The following RNF144B variants were observed in gnomAD, a reference collection of about 807,000 sequenced individuals.
RNF144B encodes the protein E3 ubiquitin-protein ligase RNF144B.
In RNF144B, 25 loss-of-function variants were observed where a neutral mutation model predicts 40.2. The ratio of observed to expected loss-of-function variants is 0.62; its 90% CI spans 0.45 to 0.87. The LOEUF (loss-of-function observed/expected upper bound fraction) is 0.87. Ranked by LOEUF, RNF144B falls within the 40% of genes least tolerant of loss-of-function variation. RNF144B has a pLI of 0.00. For synonymous variants in RNF144B, 145 were observed against 136.3 expected, an observed-to-expected ratio of 1.06 and a Z score of -0.44; for missense variants, 365 against 373.7, an observed-to-expected ratio of 0.98 and a Z score of 0.19.
chr6:18,394,601 C>A (rs967480934), intron 1 of RNF144B, among the ~76,000 whole-genome samples: 8 of 141,096 alleles, frequency 5.7e-5, no homozygotes, highest in African/African-American at 7.9e-5. Context: ...CCGTCCCCTA[C>A]CCCCCAACCA....
intron 2 of RNF144B, among the ~76,000 whole-genome samples, chr6:18,426,896 C>T (rs12191033): frequency 0.079 from 11,993 of 151,446 alleles, 596 homozygotes; most frequent in Non-Finnish European, 0.12. Flanking sequence ...TTTCTTCTTT[C>T]CCCAGGGGAC....
At position 18,419,500 on chromosome 6, in the gene RNF144B, G is replaced by A. The variant is rs565872252; in HGVS notation, c.166-8081G>A. On this transcript the variant is annotated intron_variant, in intron 2 of 7. Transcript: ENST00000259939. This position sits in a 1 kb window ranked among gnomAD's most constrained non-coding sequence, Gnocchi z 4.6. ...TCCAGCATTTAAAAGTTGAGTTGAG[G>A]AAAATGCAGAAGATTGAGAAAGAGT... is the stretch of plus-strand genomic sequence containing the variant. Among the ~76,000 whole-genome samples the A allele has an allele frequency of 3.9e-5, 6 of 152,224 alleles. No individual in the cohort carries two copies. The highest frequency in any genetic ancestry group is 1.2e-4 in the African/African-American group (5 of 41,546).
chr6:18,402,806 C>T (rs1794819481), intron 2 of RNF144B, among the ~76,000 whole-genome samples: 1 of 152,160 alleles, frequency 6.6e-6, no homozygotes, highest in Non-Finnish European at 1.5e-5. Context: ...TATCTAGGTT[C>T]TTGTTAAAGG....
chr6:18,456,390 A>G lies in RNF144B; in HGVS notation c.332-765A>G, dbSNP rs16880749. ...TTCTTTAATTTCCTGGGAATGTGGA[A>G]GAAACCTCACTATCTGTTTCTCAGT... On this transcript the variant is annotated intron_variant, in intron 4 of 7. Coordinates refer to ENST00000259939, the MANE Select transcript of RNF144B (RefSeq NM_182757.4). This position sits in a 1 kb window ranked among gnomAD's most constrained non-coding sequence, Gnocchi z 4.7. Among the ~76,000 whole-genome samples, 4,662 of 152,328 alleles carry G rather than the reference A, an allele frequency of 0.031. 157 individuals carry two copies. The highest frequency in any genetic ancestry group is 0.16 in the South Asian group (792 of 4,830).
intron 2 of RNF144B, among the ~76,000 whole-genome samples, chr6:18,421,574 G>A (rs1758427647): frequency 6.6e-6 from 1 of 152,000 alleles, no homozygotes; most frequent in Admixed American, 6.6e-5. Flanking sequence ...ACCCCTACGT[G>A]GCAAAGCAGG....
At chr6:18,396,221 T>C in intron 1 of RNF144B, 1 of 298,248 alleles carries the variant, frequency 3.4e-6, no homozygotes. Context: ...AATTTTTAGT[T>C]CTACCTTCAA....
intron 3 of RNF144B, among the ~76,000 whole-genome samples, chr6:18,428,794 C>T (rs1758625765): frequency 6.6e-6 from 1 of 152,074 alleles, no homozygotes; most frequent in Admixed American, 6.6e-5. Context: ...GAAACTGAGG[C>T]CCAGAAGGTT....
Position 18,457,423 on chromosome 6 carries a change from A to T in RNF144B, c.536+64A>T. On this transcript the variant is annotated intron_variant, in intron 5 of 7. Transcript: ENST00000259939. This position sits in a 1 kb window ranked among gnomAD's most constrained non-coding sequence, Gnocchi z 5.1. ...TTTTCTTAGAAATTCAACATACCTT[A>T]CGTGTAGAAGGAGTTACGTTGTGAT... 1 of 1,240,644 alleles carries T rather than the reference A, an allele frequency of 8.1e-7. No homozygotes were observed. The highest frequency in any genetic ancestry group is 1.2e-6 in the Non-Finnish European group (1 of 839,976). The allele number at this position is 1,240,644 out of a possible 1,614,324, so 76.9% of individuals were successfully genotyped here.
intron 2 of RNF144B, among the ~76,000 whole-genome samples, chr6:18,420,746 C>T (rs182037900): frequency 3.9e-5 from 6 of 152,166 alleles, no homozygotes; most frequent in Non-Finnish European, 7.4e-5. Context: ...AGAATCAGTC[C>T]ATTCTCCCTC....
intron 2 of RNF144B, among the ~76,000 whole-genome samples, chr6:18,408,085 A>G (rs1228024005): frequency 6.6e-6 from 1 of 150,490 alleles, no homozygotes; most frequent in Admixed American, 6.7e-5. Context: ...CCTGGGTTCA[A>G]GTGATTCTCC....
intron 4 of RNF144B, among the ~76,000 whole-genome samples, chr6:18,445,623 C>T (rs1759064648): frequency 6.6e-6 from 1 of 152,126 alleles, no homozygotes; most frequent in South Asian, 2.1e-4. Flanking sequence ...GAGTTAACCA[C>T]TTCTAAATCA....
chr6:18,427,947 C>A (rs1379047137), intron 3 of RNF144B, among the ~76,000 whole-genome samples: 2 of 152,040 alleles, frequency 1.3e-5, no homozygotes, highest in Admixed American at 1.3e-4. Flanking sequence ...TCAAATTTAC[C>A]AAATGTGAAG....
At chr6:18,392,705 C>T (rs569901949) in intron 1 of RNF144B, among the ~76,000 whole-genome samples, 1 of 152,280 alleles carries the variant, frequency 6.6e-6, no homozygotes, top group South Asian at 2.1e-4. Context: ...CACAGTGATA[C>T]AATACTGCCA....
rs544044827 is a variant in RNF144B at position 18,456,896 on chromosome 6, T to A, written c.332-259T>A. Among the ~76,000 whole-genome samples, 19 of 152,200 alleles carry A rather than the reference T, an allele frequency of 1.2e-4. No homozygotes were observed. The highest frequency in any genetic ancestry group is 4.6e-4 in the African/African-American group (19 of 41,534). ...TGGCCAACAAGGTGAAACCTGTCTC[T>A]ACTAAAAATACAAAAATGAGCCAGG... On this transcript the variant is annotated intron_variant, in intron 4 of 7. Transcript: ENST00000259939. This position sits in a 1 kb window ranked among gnomAD's most constrained non-coding sequence, Gnocchi z 4.7.
chr6:18,417,974 A>G (rs1056155577), intron 2 of RNF144B, among the ~76,000 whole-genome samples: 4 of 152,204 alleles, frequency 2.6e-5, no homozygotes, highest in African/African-American at 9.6e-5. Flanking sequence ...AATTACCAAT[A>G]AGCATGTGAA....
rs1240709143 is a variant in RNF144B at position 18,425,660 on chromosome 6, A to C, written c.166-1921A>C. On this transcript the variant is annotated intron_variant, in intron 2 of 7. Transcript: ENST00000259939. The surrounding 1 kb of genome is among the most constrained non-coding windows in gnomAD (Gnocchi z 4.2). ...AAAACACAGTAATTATATGGCGGTC[A>C]AGTGCAAGAGAGGAGTGACTGCAGA... is the stretch of plus-strand genomic sequence containing the variant. 6.6e-6 allele frequency among the ~76,000 whole-genome samples: 1 copy of C among 152,172 alleles called. No homozygotes were observed. Among genetic ancestry groups the C allele is most frequent in the Non-Finnish European group, 1.5e-5 (1 of 68,022 alleles).
intron 1 of RNF144B, among the ~76,000 whole-genome samples, chr6:18,389,868 T>C (rs7756873): frequency 0.23 from 34,248 of 152,132 alleles, 4,390 homozygotes; most frequent in East Asian, 0.41. Context: ...CCTTAATTTA[T>C]AGAAGCTCCT....
In RNF144B at chr6:18,427,639, G is replaced by T. The variant is rs751714701; in HGVS notation, c.224G>T (p.Cys75Phe). ...GAAGGATGTGGGTCTCCCATCACTT[G>T]CCCTGACATGGTGTGCCTAAACCAC... ...IREGCGSPIT[C>F]PDMVCLNHGT... The change falls in exon 3 of 8, where the codon TGC (cysteine) becomes TTC (phenylalanine). Residue 75 changes from cysteine to phenylalanine, a missense_variant. Physicochemically the swap from Cys to Phe is radical, Grantham distance 205. Transcript: ENST00000259939. 1.9e-6 allele frequency: 3 copies of T among 1,613,654 alleles called. No homozygotes were observed. Among genetic ancestry groups the T allele is most frequent in the Admixed American group, 3.3e-5 (2 of 59,964 alleles).
At chr6:18,427,729 T>A in intron 3 of RNF144B, 44 bp downstream of exon 3, 2 of 1,225,546 alleles carry the variant, frequency 1.6e-6, no homozygotes, top group East Asian at 4.7e-5. Context: ...CTATTTATGT[T>A]ATTTATTAGG....
Sources: allele counts gnomAD v4.1 joint callset (sites outside exome capture counted in the v4.1 genomes callset), GRCh38; gene constraint gnomAD v4.1.1; non-coding constraint Gnocchi (gnomAD v3.1); transcripts MANE v1.5; gene names NCBI Gene and HGNC (gene_info 2026-07-23, HGNC 2026-07-21).